Variants in STOX1 observed in about 807,000 individuals in gnomAD.
The protein encoded by STOX1 is storkhead-box protein 1.
STOX1 carries 57 observed loss-of-function variants against 74.8 expected under a neutral mutation model. That is an observed-to-expected ratio of 0.76 (90% confidence interval 0.62 to 0.95). The LOEUF is 0.95. STOX1 is among the 40% of genes least tolerant of loss of function. STOX1 has a pLI of 0.00. For synonymous variants in STOX1, 375 were observed against 401.3 expected, an observed-to-expected ratio of 0.93 and a Z score of 0.78; for missense variants, 1,010 against 1,117.0, an observed-to-expected ratio of 0.90 and a Z score of 1.37.
chr10:68,888,075 GCGCACACA>G (rs1013637014), intron 3 of STOX1, among the ~76,000 whole-genome samples: 13 of 151,084 alleles, frequency 8.6e-5, no homozygotes, highest in Non-Finnish European at 1.5e-4. Flanking sequence ...ACACACACGC[GCGCACACA>G]CGCACACACA....
At chr10:68,833,471 A>G (rs903264819) in intron 1 of STOX1, among the ~76,000 whole-genome samples, 3 of 152,106 alleles carry the variant, frequency 2.0e-5, no homozygotes, top group Admixed American at 1.3e-4. Context: ...GAGCTCCCCG[A>G]GTGAGCAATT....
chr10:68,875,105 G>A (rs570703505), intron 1 of STOX1, among the ~76,000 whole-genome samples: 2 of 152,310 alleles, frequency 1.3e-5, no homozygotes, highest in East Asian at 3.9e-4. Flanking sequence ...TGGAGTGAAT[G>A]TACTATTTGA....
intron 1 of STOX1, among the ~76,000 whole-genome samples, chr10:68,831,643 C>A (rs1020718420): frequency 6.6e-5 from 10 of 152,054 alleles, no homozygotes; most frequent in Non-Finnish European, 1.3e-4. Flanking sequence ...CTGGGACTTA[C>A]AAGGTAAGAG....
intron 1 of STOX1, among the ~76,000 whole-genome samples, chr10:68,874,873 A>G (rs1840638482): frequency 6.6e-6 from 1 of 152,196 alleles, no homozygotes; most frequent in South Asian, 2.1e-4. Flanking sequence ...TTGTGAGTGG[A>G]CAAGGCAAAC....
At chr10:68,834,600 T>A (rs1241117367) in intron 1 of STOX1, among the ~76,000 whole-genome samples, 1 of 152,238 alleles carries the variant, frequency 6.6e-6, no homozygotes, top group African/African-American at 2.4e-5. Context: ...TTCAAATGCA[T>A]ACATGTGGTA....
Position 68,884,661 on chromosome 10 carries a change from G to A in STOX1, c.865G>A (p.Glu289Lys), listed in dbSNP as rs748194247. ...GAATGGGGCAGTTTCAGTGTCTGCG[G>A]AGCACCACATTTGTGAGAGCACCAA... is the stretch of plus-strand genomic sequence containing the variant. ...VQNGAVSVSA[E>K]HHICESTKPL... Residue 289 changes from glutamate (E) to lysine (K), a missense_variant, in exon 3 of 4, where the codon GAG (glutamate) becomes AAG (lysine). Glu to Lys is a moderately conservative substitution (Grantham distance 56). Transcript: ENST00000298596. The A allele has an allele frequency of 6.2e-7, 1 of 1,614,066 alleles. No homozygotes were observed. Among genetic ancestry groups the A allele is most frequent in the South Asian group, 1.1e-5 (1 of 91,076 alleles).
intron 1 of STOX1, among the ~76,000 whole-genome samples, chr10:68,850,646 C>T (rs569940201): frequency 1.5e-4 from 23 of 152,266 alleles, no homozygotes; most frequent in African/African-American, 5.3e-4. Flanking sequence ...TTGTGGTGGT[C>T]ATTGTGGTGG....
At chr10:68,843,963 A>G (rs2133514797) in intron 1 of STOX1, among the ~76,000 whole-genome samples, 1 of 152,056 alleles carries the variant, frequency 6.6e-6, no homozygotes, top group Middle Eastern at 3.4e-3. Flanking sequence ...GGTGGATCAC[A>G]AGGTCAGGAG....
chr10:68,883,193 T>C (rs1259042809), intron 2 of STOX1, among the ~76,000 whole-genome samples: 2 of 147,416 alleles, frequency 1.4e-5, no homozygotes, highest in Non-Finnish European at 3.0e-5. Context: ...CTGGCCAATA[T>C]GGTGAAACCC....
chr10:68,887,596 T>C (rs1310187140), intron 3 of STOX1, among the ~76,000 whole-genome samples: 7 of 2,344 alleles, frequency 3.0e-3, no homozygotes, highest in Middle Eastern at 0.1. Flanking sequence ...ATTTTCTTTC[T>C]TTTTTTTTTT....
intron 3 of STOX1, among the ~76,000 whole-genome samples, chr10:68,889,527 C>T (rs1306582462): frequency 6.6e-6 from 1 of 152,030 alleles, no homozygotes; most frequent in Non-Finnish European, 1.5e-5. Flanking sequence ...TTATGTATAT[C>T]CTGTTATTGA....
intron 3 of STOX1, among the ~76,000 whole-genome samples, chr10:68,891,451 A>G (rs1424477230): frequency 1.3e-5 from 2 of 152,198 alleles, no homozygotes; most frequent in South Asian, 2.1e-4. Context: ...TGTTTGAGAT[A>G]TATTTTAATG....
chr10:68,865,428 TC>T (rs1451456108), intron 1 of STOX1, among the ~76,000 whole-genome samples: 1 of 152,194 alleles, frequency 6.6e-6, no homozygotes, highest in Admixed American at 6.5e-5. Context: ...GGCGTGTGGA[TC>T]ACGAGGTCAG....
intron 1 of STOX1, among the ~76,000 whole-genome samples, chr10:68,830,587 C>T (rs1839380369): frequency 6.6e-6 from 1 of 152,128 alleles, no homozygotes; most frequent in South Asian, 2.1e-4. Flanking sequence ...AAGTGAACTG[C>T]CTGCCTCAGC....
intron 1 of STOX1, among the ~76,000 whole-genome samples, chr10:68,839,263 C>G (rs1042691083): frequency 6.6e-6 from 1 of 152,168 alleles, no homozygotes; most frequent in Non-Finnish European, 1.5e-5. Flanking sequence ...TGCTGTGTCA[C>G]CTAGGCTGGA....
chr10:68,886,676 C>T (rs2132000339), intron 3 of STOX1, 58 bp downstream of exon 3: 2 of 1,540,244 alleles, frequency 1.3e-6, no homozygotes, highest in Non-Finnish European at 1.8e-6. Flanking sequence ...TGCCTGTAAT[C>T]CCAGCATTTT....
At chr10:68,850,058 A>T (rs1041323675) in intron 1 of STOX1, among the ~76,000 whole-genome samples, 1 of 152,144 alleles carries the variant, frequency 6.6e-6, no homozygotes, top group Non-Finnish European at 1.5e-5. Context: ...GCTGTTGCCC[A>T]GGCTGGAGTC....
intron 3 of STOX1, among the ~76,000 whole-genome samples, chr10:68,888,315 T>G (rs1841015401): frequency 1.3e-5 from 2 of 152,160 alleles, no homozygotes; most frequent in Non-Finnish European, 1.5e-5. Context: ...TTGGCCAGAC[T>G]GGTCTCGAAC....
In STOX1 at chr10:68,841,240, C is replaced by A. The variant is rs575933492; in HGVS notation, c.310+13307C>A. On this transcript the variant is annotated intron_variant, in intron 1 of 3. Transcript: ENST00000298596. ...GCTTACAGGCATGAGCCACCATGCC[C>A]GGCCTGTTTTTGATTTTTAAATATA... 1.2e-3 allele frequency among the ~76,000 whole-genome samples: 181 copies of A among 152,194 alleles called. 1 individual carries two copies. Among genetic ancestry groups the A allele is most frequent in the African/African-American group, 4.3e-3 (178 of 41,530 alleles).
Sources: allele counts gnomAD v4.1 joint callset (sites outside exome capture counted in the v4.1 genomes callset), GRCh38; gene constraint gnomAD v4.1.1; transcripts MANE v1.5; gene names NCBI Gene and HGNC (gene_info 2026-07-23, HGNC 2026-07-21).